Variants in FBN1 observed in about 807,000 individuals in gnomAD.
The protein encoded by FBN1 is fibrillin-1.
Under a neutral mutation model 365.1 loss-of-function variants are expected in FBN1, and 29 were observed. The observed-to-expected ratio is 0.08, with a 90% CI of 0.06 to 0.11. The LOEUF is 0.11. FBN1 is among the 10% of genes least tolerant of loss of function. FBN1 has a pLI of 1.00. For synonymous variants in FBN1, 1,210 were observed against 1,270.5 expected (o/e 0.95, Z 1.01); for missense variants, 2,476 against 3,703.2 (o/e 0.67, Z 8.60).
At chr15:48,610,707 A>G (rs1198686425) in intron 4 of FBN1, 21 bp downstream of exon 4, 2 of 1,551,916 alleles carry the variant, frequency 1.3e-6, no homozygotes, top group Admixed American at 3.3e-5. Flanking sequence ...AATATTATAT[A>G]TAATGACATG....
At chr15:48,640,240 T>C (rs968989942) in intron 2 of FBN1, among the ~76,000 whole-genome samples, 1 of 152,184 alleles carries the variant, frequency 6.6e-6, no homozygotes, top group Admixed American at 6.5e-5. Context: ...ATGAGTCACA[T>C]AAATAAATAT....
chr15:48,485,287 A>G (rs1240030052), intron 30 of FBN1, 87 bp downstream of exon 30: 1 of 1,577,916 alleles, frequency 6.3e-7, no homozygotes, highest in African/African-American at 1.3e-5. Context: ...TTTGGACTCA[A>G]GCCTGCTTGA....
At chr15:48,455,164 C>T (rs1454884500) in intron 44 of FBN1, among the ~76,000 whole-genome samples, 1 of 152,228 alleles carries the variant, frequency 6.6e-6, no homozygotes, top group Non-Finnish European at 1.5e-5. Flanking sequence ...CTGGATTAAA[C>T]ATTCACCCTG....
At chr15:48,505,257 T>C (rs1382070163) in intron 15 of FBN1, 110 bp from the exon 16 acceptor site, 6 of 1,325,446 alleles carry the variant, frequency 4.5e-6, no homozygotes, top group Middle Eastern at 4.6e-4. Context: ...GGAAATAATA[T>C]GCAGCATCAG....
At chr15:48,446,663 T>C (rs758416897) in intron 47 of FBN1, 43 bp downstream of exon 47, 1 of 1,175,494 alleles carries the variant, frequency 8.5e-7, no homozygotes, top group African/African-American at 1.5e-5. Context: ...AGAACACATA[T>C]AAAACTGACT....
intron 2 of FBN1, among the ~76,000 whole-genome samples, chr15:48,634,617 T>A (rs562525676): frequency 6.6e-6 from 1 of 152,112 alleles, no homozygotes; most frequent in Non-Finnish European, 1.5e-5. Context: ...AACACCCCAA[T>A]GTTCCCAGGT....
Position 48,460,334 on chromosome 15 carries a change from A to G in FBN1, c.5225-17T>C, listed in dbSNP as rs1217699395. 1.9e-6 allele frequency: 3 copies of G among 1,567,162 alleles called. No homozygotes were observed. The highest frequency in any genetic ancestry group is 2.6e-6 in the Non-Finnish European group (3 of 1,137,384). ...CAAACTCATCTGCAATGATTAAACA[A>G]AGGTGGGATGGGAGGATAGGGGTCA... On this transcript the variant is annotated splice_polypyrimidine_tract_variant and intron_variant, in intron 42 of 65. Transcript: ENST00000316623.
intron 15 of FBN1, among the ~76,000 whole-genome samples, chr15:48,507,379 T>C (rs1336513911): frequency 6.6e-6 from 1 of 152,212 alleles, no homozygotes; most frequent in Non-Finnish European, 1.5e-5. Context: ...AATATTTCTA[T>C]GTGTTAATCC....
chr15:48,588,887 C>A (rs1255272858), intron 6 of FBN1, among the ~76,000 whole-genome samples: 1 of 152,160 alleles, frequency 6.6e-6, no homozygotes, highest in Admixed American at 6.5e-5. Context: ...TACCTATCCC[C>A]AGAAGTCTGG....
At chr15:48,489,731 T>C (rs1312455882) in intron 25 of FBN1, 120 bp downstream of exon 25, 3 of 814,846 alleles carry the variant, frequency 3.7e-6, no homozygotes, top group Middle Eastern at 2.3e-4. Flanking sequence ...AAGATAATTA[T>C]ATAATTCAGA....
intron 36 of FBN1, among the ~76,000 whole-genome samples, 160 bp downstream of exon 36, chr15:48,470,474 A>C (rs1170202907): frequency 6.6e-6 from 1 of 152,184 alleles, no homozygotes; most frequent in East Asian, 1.9e-4. Flanking sequence ...CCTCACCTCC[A>C]ATCAGTTCCA....
chr15:48,532,462 A>T (rs2043980809), intron 8 of FBN1, among the ~76,000 whole-genome samples: 2 of 151,366 alleles, frequency 1.3e-5, no homozygotes, highest in African/African-American at 4.8e-5. Flanking sequence ...ATATAAAGAT[A>T]TGTGTGTGTG....
At chr15:48,429,692 C>G (rs1245396400) in intron 56 of FBN1, among the ~76,000 whole-genome samples, 1 of 152,176 alleles carries the variant, frequency 6.6e-6, no homozygotes, top group African/African-American at 2.4e-5. Context: ...AATTACTGAT[C>G]CAGGAGGATC....
chr15:48,471,678 C>A (rs2043377904), intron 35 of FBN1, among the ~76,000 whole-genome samples: 2 of 152,344 alleles, frequency 1.3e-5, no homozygotes, highest in South Asian at 4.1e-4. Context: ...CATGTCATAG[C>A]TAATGACTGA....
chr15:48,478,381 T>C (rs1377976867), intron 32 of FBN1, among the ~76,000 whole-genome samples: 1 of 152,216 alleles, frequency 6.6e-6, no homozygotes, highest in East Asian at 1.9e-4. Flanking sequence ...GACATTTCTC[T>C]TATGAAAGAA....
chr15:48,417,223 A>C (rs562302022), intron 63 of FBN1, among the ~76,000 whole-genome samples: 1 of 152,326 alleles, frequency 6.6e-6, no homozygotes, highest in South Asian at 2.1e-4. Context: ...AAGAAAAATA[A>C]TGTTTCTCAA....
intron 36 of FBN1, among the ~76,000 whole-genome samples, chr15:48,470,366 C>T (rs1474714447): frequency 6.6e-6 from 1 of 152,158 alleles, no homozygotes; most frequent in African/African-American, 2.4e-5. Flanking sequence ...GAAGCTACAC[C>T]ACTAGAGCAC....
chr15:48,467,850 T>C (rs2043335273), intron 38 of FBN1, 88 bp downstream of exon 38: 1 of 1,189,048 alleles, frequency 8.4e-7, no homozygotes, highest in Non-Finnish European at 1.3e-6. Flanking sequence ...TCTTCTCTGA[T>C]CTAAGAGTAG....
chr15:48,515,327 T>C, intron 12 of FBN1, 60 bp downstream of exon 12: 1 of 1,596,784 alleles, frequency 6.3e-7, no homozygotes, highest in Non-Finnish European at 8.6e-7. Context: ...AGAAAACCAG[T>C]AGAGTCAAGG....
Sources: allele counts gnomAD v4.1 joint callset (sites outside exome capture counted in the v4.1 genomes callset), GRCh38; gene constraint gnomAD v4.1.1; transcripts MANE v1.5; gene names NCBI Gene and HGNC (gene_info 2026-07-23, HGNC 2026-07-21).